FGF14: variants seen among roughly 807,000 people sequenced by gnomAD.
The protein encoded by FGF14 is fibroblast growth factor 14.
FGF14 carries 5 observed loss-of-function variants against 25.5 expected under a neutral mutation model. That is an observed-to-expected ratio of 0.20 (90% confidence interval 0.10 to 0.41). The LOEUF (loss-of-function observed/expected upper bound fraction) is 0.41. FGF14 is among the 10% of genes least tolerant of loss of function. FGF14 has a pLI of 1.00. For synonymous variants in FGF14, 138 were observed against 118.3 expected, an observed-to-expected ratio of 1.17 and a Z score of -1.08; for missense variants, 222 against 320.1, an observed-to-expected ratio of 0.69 and a Z score of 2.34.
intron 1 of FGF14, among the ~76,000 whole-genome samples, chr13:102,243,912 G>A (rs2051730171): frequency 1.3e-5 from 2 of 152,084 alleles, no homozygotes; most frequent in East Asian, 3.9e-4. Context: ...ACTCTTTCAA[G>A]TCCCGCTCAG....
At chr13:102,272,767 A>T (rs189165819) in intron 1 of FGF14, among the ~76,000 whole-genome samples, 5 of 152,188 alleles carry the variant, frequency 3.3e-5, no homozygotes, top group South Asian at 2.1e-4. Context: ...ATATATCTAT[A>T]TATATCTATA....
intron 3 of FGF14, among the ~76,000 whole-genome samples, chr13:101,747,963 A>C (rs578238720): frequency 6.0e-4 from 91 of 152,138 alleles, no homozygotes; most frequent in African/African-American, 2.1e-3. Flanking sequence ...AAGTCAAAAA[A>C]TGAAGGTGTC....
At chr13:101,920,508 T>C (rs115078589), upstream of FGF14, among the ~76,000 whole-genome samples, 1,018 of 152,246 alleles carry the variant, frequency 6.7e-3, 11 homozygotes, top group African/African-American at 0.023. Context: ...ATTTAGTAAA[T>C]AAATGTAAAG....
intron 3 of FGF14, among the ~76,000 whole-genome samples, chr13:101,758,646 C>T (rs1328353): frequency 0.4 from 61,089 of 152,046 alleles, 14,269 homozygotes; most frequent in Non-Finnish European, 0.52. Flanking sequence ...AAACCTAATA[C>T]TTTCTCTTAT....
chr13:102,276,839 G>T (rs769091711), intron 1 of FGF14, among the ~76,000 whole-genome samples: 1 of 152,084 alleles, frequency 6.6e-6, no homozygotes, highest in Non-Finnish European at 1.5e-5. Flanking sequence ...GAGATTATGA[G>T]GCCTCAGTGT....
chr13:101,775,533 TG>T (rs1267297535), intron 3 of FGF14, among the ~76,000 whole-genome samples: 4 of 152,112 alleles, frequency 2.6e-5, no homozygotes, highest in Non-Finnish European at 5.9e-5. Flanking sequence ...AGTGTGTGTG[TG>T]TGTGTTAGAG....
At chr13:101,740,945 A>T (rs1322243231) in intron 3 of FGF14, among the ~76,000 whole-genome samples, 2 of 152,228 alleles carry the variant, frequency 1.3e-5, no homozygotes, top group African/African-American at 4.8e-5. Flanking sequence ...TTTGAGGGGC[A>T]AAGGTCCTTA....
intron 3 of FGF14, among the ~76,000 whole-genome samples, chr13:101,760,707 A>G (rs1041334770): frequency 3.3e-5 from 5 of 152,194 alleles, no homozygotes; most frequent in Admixed American, 1.3e-4. Context: ...CACCTGATAT[A>G]GTATTTTCTT....
At position 102,161,748 on chromosome 13, in the gene FGF14, C is replaced by T. The variant is rs1252987891; in HGVS notation, c.208+239723G>A. Among the ~76,000 whole-genome samples, 4 of 148,390 alleles carry T rather than the reference C, an allele frequency of 2.7e-5. No homozygotes were observed. In the South Asian group the frequency reaches 6.4e-4, roughly 24 times the overall value. On this transcript the variant is annotated intron_variant, in intron 1 of 4. Transcript: ENST00000376131. The stretch of plus-strand genomic sequence containing the variant: ...AGAATAGAAATGTGTTTAAGAATTC[C>T]TCAATAAGACTAAGCTCTATGTGGG...
chr13:101,967,953 A>T (rs923911004), intron 1 of FGF14, among the ~76,000 whole-genome samples: 4 of 152,194 alleles, frequency 2.6e-5, no homozygotes, highest in African/African-American at 7.2e-5. Flanking sequence ...CTATTTCCAA[A>T]TTGCAAGTTC....
At chr13:102,209,138 T>C (rs1308326506) in intron 1 of FGF14, among the ~76,000 whole-genome samples, 1 of 152,184 alleles carries the variant, frequency 6.6e-6, no homozygotes, top group East Asian at 1.9e-4. Context: ...AACAGAAGCC[T>C]TAGGCCAATT....
chr13:102,161,829 TA>T (rs769955534), intron 1 of FGF14, among the ~76,000 whole-genome samples: 4,451 of 135,256 alleles, frequency 0.033, 122 homozygotes, highest in African/African-American at 0.075. Flanking sequence ...AGAAGATAAT[TA>T]AAAAAAAAAA....
chr13:101,744,838 G>T (rs2036782400), intron 3 of FGF14, among the ~76,000 whole-genome samples: 1 of 151,962 alleles, frequency 6.6e-6, no homozygotes, highest in South Asian at 2.1e-4. Context: ...TTATTGAGTG[G>T]CTACCTTGTG....
intron 1 of FGF14, among the ~76,000 whole-genome samples, chr13:102,379,413 TACACAC>T (rs34770707): frequency 6.7e-6 from 1 of 149,846 alleles, no homozygotes; most frequent in African/African-American, 2.5e-5. Context: ...GATATACACA[TACACAC>T]ACACACACAC....
chr13:102,180,627 G>T (rs1235008739), intron 1 of FGF14, among the ~76,000 whole-genome samples: 1 of 151,996 alleles, frequency 6.6e-6, no homozygotes, highest in Non-Finnish European at 1.5e-5. Flanking sequence ...AAGCTATTTT[G>T]GATTTTAAAA....
At chr13:101,851,924 G>C (rs1327740398) in intron 3 of FGF14, among the ~76,000 whole-genome samples, 2 of 152,070 alleles carry the variant, frequency 1.3e-5, no homozygotes, top group Non-Finnish European at 2.9e-5. Context: ...TATCCACTAA[G>C]GGAAGTAGCC....
intron 3 of FGF14, among the ~76,000 whole-genome samples, chr13:101,795,951 A>G (rs2040495862): frequency 6.6e-6 from 1 of 152,094 alleles, no homozygotes; most frequent in Admixed American, 6.6e-5. Flanking sequence ...AAAAAATGCC[A>G]AATACGATAG....
At chr13:102,218,975 T>C (rs2050494000) in intron 1 of FGF14, among the ~76,000 whole-genome samples, 1 of 152,166 alleles carries the variant, frequency 6.6e-6, no homozygotes, top group African/African-American at 2.4e-5. Flanking sequence ...ATTTATGCAG[T>C]ACATGATGTA....
At chr13:101,737,593 A>T (rs572973517) in intron 3 of FGF14, among the ~76,000 whole-genome samples, 3 of 152,272 alleles carry the variant, frequency 2.0e-5, no homozygotes, top group African/African-American at 7.2e-5. Flanking sequence ...GAATAATTGA[A>T]TACAAAATGA....
Sources: gnomAD v4.1 joint callset for allele counts (sites outside exome capture counted in the v4.1 genomes callset) on GRCh38, gnomAD v4.1.1 for gene constraint, MANE v1.5 for transcripts, NCBI Gene and HGNC (gene_info 2026-07-23, HGNC 2026-07-21) for gene names.